The following DCHS2 variants were observed in gnomAD, a reference collection of about 807,000 sequenced individuals.
The protein encoded by DCHS2 is protocadherin-23.
DCHS2 carries 142 observed loss-of-function variants against 182.4 expected under a neutral mutation model. The ratio of observed to expected loss-of-function variants is 0.78; its 90% CI spans 0.68 to 0.89. The LOEUF is 0.89. Among genes scored for constraint, DCHS2 ranks in the 40% least tolerant of loss-of-function variants. The probability of loss-of-function intolerance (pLI) is 0.00; values close to 1 mark genes in which losing one functional copy is unlikely to be tolerated. For missense variants in DCHS2, 4,319 were observed against 4,198.6 expected (o/e 1.03, Z -0.79); for synonymous variants, 1,740 against 1,663.3 (o/e 1.05, Z -1.12).
chr4:154,401,590 T>A lies in DCHS2; in HGVS notation c.2053-24146A>T, dbSNP rs193039222. 2.5e-3 allele frequency among the ~76,000 whole-genome samples: 378 copies of A among 152,376 alleles called. 5 individuals carry two copies. Among genetic ancestry groups the A allele is most frequent in the African/African-American group, 7.8e-3 (326 of 41,588 alleles). ...GATGTCTTTTGATGAGCAAATTTTTTAAATTTTGATGAAGTTCAATTTTAG... is the reference window on the plus strand; with the variant it reads ...GATGTCTTTTGATGAGCAAATTTTTAAAATTTTGATGAAGTTCAATTTTAG... On this transcript the variant is annotated intron_variant, in intron 1 of 19. Transcript: ENST00000357232.
intron 1 of DCHS2, among the ~76,000 whole-genome samples, chr4:154,433,554 C>A (rs1733652587): frequency 6.6e-6 from 1 of 151,930 alleles, no homozygotes; most frequent in Non-Finnish European, 1.5e-5. Context: ...GCCACCATGC[C>A]CGGCTAATTT....
intron 2 of DCHS2, among the ~76,000 whole-genome samples, chr4:154,369,025 C>T: frequency 6.6e-6 from 1 of 152,136 alleles, no homozygotes; most frequent in Non-Finnish European, 1.5e-5. Context: ...ACTGTATATA[C>T]ATTTACTGTG....
chr4:154,463,469 A>G lies in DCHS2; in HGVS notation c.2052+25835T>C, dbSNP rs74899813. ...TCATACCAAGCCTGACATATTTTTAACAAAACTAAGTAGGAGCATGTAATA... is the reference window on the plus strand; with the variant it reads ...TCATACCAAGCCTGACATATTTTTAGCAAAACTAAGTAGGAGCATGTAATA... On this transcript the variant is annotated intron_variant, in intron 1 of 19. Coordinates refer to ENST00000357232, the MANE Select transcript of DCHS2 (RefSeq NM_001358235.2). 3.9e-3 allele frequency among the ~76,000 whole-genome samples: 601 copies of G among 152,252 alleles called. 4 individuals carry two copies. Among genetic ancestry groups the G allele is most frequent in the Non-Finnish European group, 6.6e-3 (452 of 67,992 alleles).
chr4:154,331,701 G>A (rs1736536360), intron 5 of DCHS2: 2 of 1,612,970 alleles, frequency 1.2e-6, no homozygotes, highest in East Asian at 2.2e-5. Context: ...TGACATAGAT[G>A]GTGCCTGCTG....
At chr4:154,414,196 T>TATAGAG (rs1553949667) in intron 1 of DCHS2, among the ~76,000 whole-genome samples, 4 of 145,764 alleles carry the variant, frequency 2.7e-5, no homozygotes, top group African/African-American at 1.0e-4. Flanking sequence ...TATATATATA[T>TATAGAG]AGAGAGAGAG....
chr4:154,460,793 G>A (rs186139127), intron 1 of DCHS2, among the ~76,000 whole-genome samples: 2 of 152,228 alleles, frequency 1.3e-5, no homozygotes, highest in East Asian at 3.9e-4. Context: ...CTTCATGCCA[G>A]TAACTGGAAA....
Position 154,320,491 on chromosome 4 carries a change from G to A in DCHS2, c.4908C>T (p.Ser1636=). 6.2e-7 allele frequency: 1 copy of A among 1,614,130 alleles called. No individual in the cohort carries two copies. The highest frequency in any genetic ancestry group is 1.3e-5 in the African/African-American group (1 of 75,032). The part of the protein sequence containing the change: ...AHVKEDVTVG[S]LVHHITAHDP... Reference sequence around the variant, plus strand: ...CGTGAGCAGTTATGTGGTGGACCAAGGAGCCCACTGTGACATCCTCTTTGA... The same window carrying A: ...CGTGAGCAGTTATGTGGTGGACCAAAGAGCCCACTGTGACATCCTCTTTGA... The change falls in exon 9 of 20, where the codon TCC becomes TCT. Residue 1636 remains serine (S), a synonymous_variant. Coordinates refer to ENST00000357232, the MANE Select transcript of DCHS2 (RefSeq NM_001358235.2).
chr4:154,334,573 A>G (rs2172033), intron 4 of DCHS2: 286,170 of 287,064 alleles, frequency 1, 142,642 homozygotes, highest in Middle Eastern at 1. Context: ...AATTGTGTGT[A>G]CATGTGTGTG....
intron 1 of DCHS2, among the ~76,000 whole-genome samples, chr4:154,444,430 C>G (rs1734177206): frequency 6.6e-6 from 1 of 152,136 alleles, no homozygotes; most frequent in African/African-American, 2.4e-5. Flanking sequence ...TTCACACAGA[C>G]AGTCTGTCTG....
chr4:154,361,349 T>C (rs189844523), intron 3 of DCHS2, among the ~76,000 whole-genome samples: 7 of 152,170 alleles, frequency 4.6e-5, no homozygotes, highest in Admixed American at 3.3e-4. Flanking sequence ...AAAAAAGTAG[T>C]TTCTTCCAGT....
At chr4:154,435,519 C>T (rs1224698499) in intron 1 of DCHS2, among the ~76,000 whole-genome samples, 1 of 151,720 alleles carries the variant, frequency 6.6e-6, no homozygotes, top group Non-Finnish European at 1.5e-5. Context: ...TGGTGTGAAC[C>T]CGGGAGGCAG....
At chr4:154,308,410 T>A (rs1735536017) in intron 10 of DCHS2, among the ~76,000 whole-genome samples, 1 of 152,220 alleles carries the variant, frequency 6.6e-6, no homozygotes, top group South Asian at 2.1e-4. Flanking sequence ...TGACAATCAA[T>A]GTGCTGGCCA....
intron 5 of DCHS2, 33 bp from the exon 6 acceptor site, chr4:154,329,743 A>C: frequency 1.3e-6 from 2 of 1,575,200 alleles, no homozygotes; most frequent in Non-Finnish European, 8.7e-7. Context: ...AGACACAGGC[A>C]CTGTGTACCA....
chr4:154,457,122 T>C (rs1734801379), intron 1 of DCHS2, among the ~76,000 whole-genome samples: 1 of 152,162 alleles, frequency 6.6e-6, no homozygotes. Flanking sequence ...TATGTTGTGC[T>C]TTACATAAGT....
intron 1 of DCHS2, among the ~76,000 whole-genome samples, chr4:154,394,343 A>G (rs1731843680): frequency 6.6e-6 from 1 of 152,202 alleles, no homozygotes; most frequent in East Asian, 1.9e-4. Context: ...ATTAGGCACA[A>G]GGCCCCCCTC....
intron 10 of DCHS2, among the ~76,000 whole-genome samples, chr4:154,309,930 C>T (rs1475414979): frequency 2.0e-5 from 3 of 152,130 alleles, no homozygotes; most frequent in African/African-American, 4.8e-5. Context: ...AATTATAGAA[C>T]GATAACTATG....
chr4:154,356,882 T>C (rs1729896443), intron 3 of DCHS2, among the ~76,000 whole-genome samples: 1 of 152,088 alleles, frequency 6.6e-6, no homozygotes, highest in Non-Finnish European at 1.5e-5. Context: ...AAGGACCACA[T>C]AATAATCCAA....
intron 3 of DCHS2, among the ~76,000 whole-genome samples, chr4:154,355,281 T>C (rs982170251): frequency 1.3e-5 from 2 of 152,000 alleles, no homozygotes; most frequent in African/African-American, 4.8e-5. Flanking sequence ...GATCATCTTC[T>C]CTGCTCATTA....
chr4:154,278,902 C>T (rs746237119), intron 13 of DCHS2, among the ~76,000 whole-genome samples: 132 of 151,908 alleles, frequency 8.7e-4, no homozygotes, highest in Admixed American at 5.5e-3. Context: ...CAAGTTGAAA[C>T]AAAAGGACAC....
Sources: gnomAD v4.1 joint callset for allele counts (sites outside exome capture counted in the v4.1 genomes callset) on GRCh38, gnomAD v4.1.1 for gene constraint, MANE v1.5 for transcripts, NCBI Gene and HGNC (gene_info 2026-07-23, HGNC 2026-07-21) for gene names.